The following WDR33 variants were observed in gnomAD, a reference collection of about 807,000 sequenced individuals.
WDR33 encodes the protein pre-mRNA 3' end processing protein WDR33.
A neutral mutation model predicts 164.9 loss-of-function variants in WDR33; 47 were observed. That is an observed-to-expected ratio of 0.29 (90% confidence interval 0.23 to 0.36). The LOEUF (loss-of-function observed/expected upper bound fraction) is 0.36. WDR33 is among the 10% of genes least tolerant of loss of function. The pLI is 1.00. For synonymous variants in WDR33, 505 were observed against 589.0 expected, an observed-to-expected ratio of 0.86 and a Z score of 2.06; for missense variants, 1,137 against 1,754.1, an observed-to-expected ratio of 0.65 and a Z score of 6.28.
chr2:127,719,737 C>T lies in WDR33; in HGVS notation c.2288G>A (p.Gly763Glu), dbSNP rs200149540. The T allele has an allele frequency of 6.2e-7, 1 of 1,613,694 alleles. No individual in the cohort carries two copies. The highest frequency in any genetic ancestry group is 1.3e-5 in the African/African-American group (1 of 74,882). Residue 763 changes from glycine (G) to glutamate (E), a missense_variant, in exon 16 of 22, where the codon GGG becomes GAG. Around this residue, in one of 9 missense-constraint regions of WDR33, gnomAD observed 867 missense variants for 1,073.0 expected, o/e 0.81. Transcript: ENST00000322313. This position sits in a 1 kb window ranked among gnomAD's most constrained non-coding sequence, Gnocchi z 6.5. ...CACAGGACCTTGGATCCCTTGAGAC[C>T]CTGGTCCGCCTTGGATCCCATGAGG... Reference protein sequence around the residue: ...PHPHGIQGGPGSQGIQGPVSQ... With the variant: ...PHPHGIQGGPESQGIQGPVSQ...
At chr2:127,798,886 A>G (rs1159015333) in intron 1 of WDR33, 2 of 151,860 alleles carry the variant, frequency 1.3e-5, no homozygotes, top group Non-Finnish European at 2.9e-5. Flanking sequence ...TAAAGCTTAT[A>G]GCTTTCTTTT....
At chr2:127,781,886 T>C (rs934987648) in intron 1 of WDR33, among the ~76,000 whole-genome samples, 6 of 151,264 alleles carry the variant, frequency 4.0e-5, no homozygotes, top group Non-Finnish European at 8.8e-5. Flanking sequence ...TAATCTCAGC[T>C]ACTCGGGAGG....
At position 127,701,778 on chromosome 2, in the gene WDR33, C is replaced by T. The variant is rs1319667260; in HGVS notation, c.*4545G>A. On this transcript the variant is annotated 3_prime_UTR_variant, in exon 22 of 22. Transcript: ENST00000322313. ...GCGGCTGGCGGCGGGCGGCGGGTGC[C>T]TGCTGCTGGCTGCACTGTGTTTCGG... is the stretch of plus-strand genomic sequence containing the variant. 3.6e-5 allele frequency: 51 copies of T among 1,434,844 alleles called. No homozygotes were observed. The highest frequency in any genetic ancestry group is 4.6e-5 in the Non-Finnish European group (50 of 1,094,790). 88.9% of individuals were successfully genotyped at this position (1,434,844 alleles called of 1,614,324 possible).
At chr2:127,750,047 A>T (rs1687275842) in intron 7 of WDR33, among the ~76,000 whole-genome samples, 1 of 151,720 alleles carries the variant, frequency 6.6e-6, no homozygotes, top group African/African-American at 2.4e-5. Context: ...AGGGAGGGAC[A>T]GGGTCTCATT....
chr2:127,753,682 G>A (rs1215860015), intron 7 of WDR33, among the ~76,000 whole-genome samples: 1 of 152,102 alleles, frequency 6.6e-6, no homozygotes, highest in Non-Finnish European at 1.5e-5. Context: ...GAGACTAGCA[G>A]AAGAAACTGA....
In WDR33 at chr2:127,770,397, T is replaced by C. The variant is rs1276307187; in HGVS notation, c.204+381A>G. 6.6e-6 allele frequency among the ~76,000 whole-genome samples: 1 copy of C among 152,126 alleles called. No homozygotes were observed. On this transcript the variant is annotated intron_variant, in intron 2 of 21. Coordinates refer to ENST00000322313, the MANE Select transcript of WDR33 (RefSeq NM_018383.5). The surrounding 1 kb of genome is among the most constrained non-coding windows in gnomAD (Gnocchi z 4.9). ...ACTACATCTAGAAAATCATCTTCTT[T>C]TAAATAACCAGGCCGGGCGCAGTGG...
intron 1 of WDR33, among the ~76,000 whole-genome samples, chr2:127,799,666 G>C (rs1205940835): frequency 6.6e-6 from 1 of 152,114 alleles, no homozygotes; most frequent in Admixed American, 6.6e-5. Flanking sequence ...ATGGTGGCAG[G>C]CACCTGTAAT....
Position 127,714,077 on chromosome 2 carries a change from G to A in WDR33, c.2870-56C>T. On this transcript the variant is annotated intron_variant, in intron 17 of 21. Coordinates refer to ENST00000322313, the MANE Select transcript of WDR33 (RefSeq NM_018383.5). This position sits in a 1 kb window ranked among gnomAD's most constrained non-coding sequence, Gnocchi z 4.3. ...TCTTCCAGGAAACCTGCCAACATAG[G>A]TCTGATCTGTAGCATCTCTACATTT... 6.9e-7 allele frequency: 1 copy of A among 1,453,006 alleles called. No individual in the cohort carries two copies. Among genetic ancestry groups the A allele is most frequent in the Non-Finnish European group, 9.1e-7 (1 of 1,099,434 alleles). The allele number at this position is 1,453,006 out of a possible 1,614,324, so 90.0% of individuals were successfully genotyped here.
At chr2:127,773,081 A>C (rs1688062851) in intron 1 of WDR33, among the ~76,000 whole-genome samples, 1 of 152,186 alleles carries the variant, frequency 6.6e-6, no homozygotes, top group Non-Finnish European at 1.5e-5. Flanking sequence ...AGATGCAGTG[A>C]ACCATGATAG....
chr2:127,751,792 A>G (rs1462897820), intron 7 of WDR33, among the ~76,000 whole-genome samples: 1 of 152,194 alleles, frequency 6.6e-6, no homozygotes, highest in Non-Finnish European at 1.5e-5. Flanking sequence ...AGAAATCACT[A>G]AACTTAAAAT....
intron 7 of WDR33, among the ~76,000 whole-genome samples, chr2:127,757,725 TA>T (rs1687558492): frequency 6.6e-6 from 1 of 152,214 alleles, no homozygotes; most frequent in African/African-American, 2.4e-5. Context: ...TTAGGTTTAT[TA>T]TCATAAACTA....
intron 1 of WDR33, among the ~76,000 whole-genome samples, chr2:127,805,987 C>T (rs1457329670): frequency 7.9e-5 from 12 of 150,952 alleles, no homozygotes; most frequent in African/African-American, 2.9e-4. Context: ...GTGGCTCACA[C>T]CTGTAATCCT....
intron 7 of WDR33, among the ~76,000 whole-genome samples, chr2:127,739,376 A>G (rs1686950836): frequency 6.6e-6 from 1 of 152,242 alleles, no homozygotes; most frequent in African/African-American, 2.4e-5. Context: ...CCAAGTGATG[A>G]AAGTAGCTTT....
chr2:127,801,526 A>C lies in WDR33; in HGVS notation c.-24+9486T>G, dbSNP rs1187756167. ...AAACAAACAAAAAACACACAACAAA[A>C]AAAAAAAAAACAGTACAATCACTAT... On this transcript the variant is annotated intron_variant, in intron 1 of 21. Transcript: ENST00000322313. Among the ~76,000 whole-genome samples, 1,131 of 151,874 alleles carry C rather than the reference A, an allele frequency of 7.4e-3. 11 individuals are homozygous for C. Among genetic ancestry groups the C allele is most frequent in the African/African-American group, 0.025 (1,036 of 41,412 alleles).
chr2:127,722,471 G>C lies in WDR33; in HGVS notation c.1518+120C>G, dbSNP rs1686463545. On this transcript the variant is annotated intron_variant, in intron 14 of 21. Transcript: ENST00000322313. This position sits in a 1 kb window ranked among gnomAD's most constrained non-coding sequence, Gnocchi z 5.1. Reference sequence around the variant, plus strand: ...ATGAGAACCATGTCTAAGAGTACGTGAACATGGGAAAAATGCTCCAGTACA... The same window carrying C: ...ATGAGAACCATGTCTAAGAGTACGTCAACATGGGAAAAATGCTCCAGTACA... 1.5e-6 allele frequency: 2 copies of C among 1,377,602 alleles called. No homozygotes were observed. The highest frequency in any genetic ancestry group is 2.0e-6 in the Non-Finnish European group (2 of 1,012,438). 85.3% of individuals were successfully genotyped at this position (1,377,602 alleles called of 1,614,324 possible).
Position 127,724,316 on chromosome 2 carries a change from T to C in WDR33, c.1196+17A>G, listed in dbSNP as rs780044603. 6.3e-6 allele frequency: 10 copies of C among 1,593,874 alleles called. No homozygotes were observed. The East Asian group carries it at 2.2e-4, about 36-fold the overall frequency. ...GTTGCTCCATATAAAGCTTTGCTAT[T>C]TCAATATAAAGCTTACCTAGTATGG... On this transcript the variant is annotated intron_variant, in intron 11 of 21. Transcript: ENST00000322313. The surrounding 1 kb of genome is among the most constrained non-coding windows in gnomAD (Gnocchi z 4.8).
Position 127,803,005 on chromosome 2 carries a change from A to C in WDR33, c.-24+8007T>G, listed in dbSNP as rs114875592. 5.1e-3 allele frequency among the ~76,000 whole-genome samples: 772 copies of C among 152,150 alleles called. 13 individuals carry two copies. The highest frequency in any genetic ancestry group is 0.017 in the African/African-American group (720 of 41,508). On this transcript the variant is annotated intron_variant, in intron 1 of 21. Coordinates refer to ENST00000322313, the MANE Select transcript of WDR33 (RefSeq NM_018383.5). ...CAAAAACAAACAAACAAAAAAACTAAATTAAGAGGGAGAAAAAGCAAACCC... is the reference window on the plus strand; with the variant it reads ...CAAAAACAAACAAACAAAAAAACTACATTAAGAGGGAGAAAAAGCAAACCC...
chr2:127,737,527 A>G, intron 7 of WDR33: 1 of 986,332 alleles, frequency 1.0e-6, no homozygotes, highest in Non-Finnish European at 1.2e-6. Flanking sequence ...AAGAAAAGAC[A>G]TTCAAAAGAT....
At chr2:127,756,652 G>T (rs1687529505) in intron 7 of WDR33, among the ~76,000 whole-genome samples, 1 of 151,966 alleles carries the variant, frequency 6.6e-6, no homozygotes, top group Non-Finnish European at 1.5e-5. Context: ...CACTCAAAAC[G>T]AACTGAAGCA....
Sources: gnomAD v4.1 joint callset for allele counts (sites outside exome capture counted in the v4.1 genomes callset) on GRCh38, gnomAD v4.1.1 for gene constraint, gnomAD v4.1.1 regional missense constraint, Gnocchi (gnomAD v3.1) non-coding constraint, MANE v1.5 for transcripts, NCBI Gene and HGNC (gene_info 2026-07-23, HGNC 2026-07-21) for gene names.